ACCSL: variants seen among roughly 807,000 people sequenced by gnomAD.
ACCSL encodes the protein 1-aminocyclopropane-1-carboxylate synthase homolog (inactive) like, also known as probable inactive 1-aminocyclopropane-1-carboxylate synthase-like protein 2.
ACCSL carries 55 observed loss-of-function variants against 61.7 expected under a neutral mutation model. The ratio of observed to expected loss-of-function variants is 0.89; its 90% confidence interval spans 0.72 to 1.12. The LOEUF is 1.12. ACCSL is among the 50% of genes most tolerant of loss of function. ACCSL has a pLI of 0.00. For synonymous variants in ACCSL, 258 were observed against 264.3 expected (o/e 0.98, Z 0.23); for missense variants, 632 against 698.0 (o/e 0.91, Z 1.07).
At chr11:44,005,663 C>T in the ACCSL span, among the ~76,000 whole-genome samples, 27 of 152,226 alleles carry the variant, frequency 1.8e-4, no homozygotes, top group Admixed American at 1.5e-3. Context: ...CTGGCTTCCC[C>T]GGACGTGCCC....
intron 13 of ACCSL, 122 bp downstream of exon 13, chr11:44,058,821 A>G: frequency 1.6e-6 from 2 of 1,225,760 alleles, no homozygotes; most frequent in Non-Finnish European, 2.2e-6. Flanking sequence ...TTCCATGTCT[A>G]TCTTTAGTTA....
chr11:43,966,247 A>G, the ACCSL span, among the ~76,000 whole-genome samples: 7 of 152,036 alleles, frequency 4.6e-5, no homozygotes, highest in Non-Finnish European at 1.0e-4. Flanking sequence ...CCAACATGGT[A>G]AAACCCTGTC....
At chr11:43,984,289 G>A in the ACCSL span, among the ~76,000 whole-genome samples, 20,715 of 151,966 alleles carry the variant, frequency 0.14, 1,528 homozygotes, top group Non-Finnish European at 0.17. Flanking sequence ...ACCTTAGGTT[G>A]TAAGAAAAAA....
the ACCSL span, chr11:43,933,172 G>A: frequency 2.2e-6 from 1 of 456,220 alleles, no homozygotes; most frequent in South Asian, 1.5e-5. Context: ...TTGCTTTATG[G>A]AATCATGGTA....
At chr11:43,943,276 G>A in the ACCSL span, 7 of 1,487,580 alleles carry the variant, frequency 4.7e-6, no homozygotes, top group South Asian at 9.1e-5. The surrounding 1 kb of genome is among the most constrained non-coding windows in gnomAD (Gnocchi z 4.8). Flanking sequence ...CCCTGTAAGG[G>A]GCGCCGCCCG....
At position 44,058,448 on chromosome 11, in the gene ACCSL, A is replaced by G. The variant is rs1208359834; in HGVS notation, c.1459A>G (p.Asn487Asp). ...NRSSGLYVWI[N>D]LKKYLDPCTF... Reference sequence around the variant, plus strand: ...CAGCTCTGGCCTCTATGTCTGGATCAACTTGAAAAAGGTGTGTTCTGGGAA... The same window carrying G: ...CAGCTCTGGCCTCTATGTCTGGATCGACTTGAAAAAGGTGTGTTCTGGGAA... Residue 487 changes from asparagine (N) to aspartate (D), a missense_variant, in exon 12 of 14, where the codon AAC becomes GAC. Coordinates refer to ENST00000378832, the MANE Select transcript of ACCSL (RefSeq NM_001031854.2). 1.2e-6 allele frequency: 2 copies of G among 1,614,046 alleles called. No homozygotes were observed. Among genetic ancestry groups the G allele is most frequent in the Non-Finnish European group, 1.7e-6 (2 of 1,180,046 alleles).
In ACCSL at chr11:44,055,219, T is replaced by C; in HGVS notation, c.1067T>C (p.Ile356Thr). 6.2e-7 allele frequency: 1 copy of C among 1,611,216 alleles called. No homozygotes were observed. The highest frequency in any genetic ancestry group is 8.5e-7 in the Non-Finnish European group (1 of 1,177,672). Reference protein sequence around the residue: ...EFAKRYNLHVIIDEIYMLSVF... With the variant: ...EFAKRYNLHVTIDEIYMLSVF... Reference sequence around the variant, plus strand: ...ATCTACAGGTATAACCTACATGTGATCATAGATGAGATTTACATGCTGTCT... The same window carrying C: ...ATCTACAGGTATAACCTACATGTGACCATAGATGAGATTTACATGCTGTCT... Residue 356 changes from isoleucine to threonine, a missense_variant, in exon 9 of 14, where the codon ATC becomes ACC. Ile to Thr is a moderately conservative substitution (Grantham distance 89, BLOSUM62 -1). Transcript: ENST00000378832.
chr11:43,957,996 G>A, the ACCSL span, among the ~76,000 whole-genome samples: 2 of 152,206 alleles, frequency 1.3e-5, no homozygotes, highest in African/African-American at 4.8e-5. Context: ...GACCCATCTT[G>A]CTTCTAACCT....
At chr11:44,020,901 A>G in the ACCSL span, among the ~76,000 whole-genome samples, 4 of 152,142 alleles carry the variant, frequency 2.6e-5, no homozygotes, top group Non-Finnish European at 5.9e-5. Context: ...TTCCTAAGTT[A>G]CTTCACTTAG....
chr11:44,027,765 A>G, the ACCSL span, among the ~76,000 whole-genome samples: 2 of 152,222 alleles, frequency 1.3e-5, no homozygotes, highest in East Asian at 1.9e-4. Flanking sequence ...TCATTCAACA[A>G]CTTTGCCTGC....
At chr11:44,019,540 A>G in the ACCSL span, among the ~76,000 whole-genome samples, 1 of 152,260 alleles carries the variant, frequency 6.6e-6, no homozygotes, top group Middle Eastern at 3.4e-3. Flanking sequence ...GCACATTTGT[A>G]TATATTATTT....
chr11:44,009,418 G>A, the ACCSL span, among the ~76,000 whole-genome samples: 1 of 152,160 alleles, frequency 6.6e-6, no homozygotes, highest in South Asian at 2.1e-4. Context: ...GAAGAGAAAT[G>A]CCAGAGAGCA....
At chr11:43,971,338 T>C in the ACCSL span, 1 of 151,990 alleles carries the variant, frequency 6.6e-6, no homozygotes, top group Non-Finnish European at 1.5e-5. Context: ...AGCTAATATT[T>C]GTTCACCAGT....
the ACCSL span, among the ~76,000 whole-genome samples, chr11:44,023,682 G>A: frequency 7.3e-6 from 1 of 137,224 alleles, no homozygotes; most frequent in Non-Finnish European, 1.6e-5. Flanking sequence ...TCCTTCCTCT[G>A]GCTTGCTGTG....
chr11:43,922,965 C>T, the ACCSL span, among the ~76,000 whole-genome samples: 86,373 of 152,062 alleles, frequency 0.57, 25,944 homozygotes, highest in East Asian at 0.84. Context: ...TCAGGATCCA[C>T]ATTGATCCAT....
At chr11:44,032,408 T>C in the ACCSL span, among the ~76,000 whole-genome samples, 7 of 152,136 alleles carry the variant, frequency 4.6e-5, no homozygotes, top group Non-Finnish European at 2.9e-5. Flanking sequence ...CCAGAGTCCA[T>C]GTGCAAGGGC....
At chr11:44,055,419 A>C (rs1565159721) in intron 9 of ACCSL, 128 bp downstream of exon 9, 4 of 599,650 alleles carry the variant, frequency 6.7e-6, no homozygotes, top group Middle Eastern at 5.4e-4. Context: ...AGGGCCTGTG[A>C]ATACAAACAA....
chr11:44,037,846 T>C, the ACCSL span, among the ~76,000 whole-genome samples: 1 of 151,656 alleles, frequency 6.6e-6, no homozygotes, highest in Non-Finnish European at 1.5e-5. Context: ...CTTAGAAAAT[T>C]GCATTATGGT....
At chr11:43,969,452 A>T in the ACCSL span, among the ~76,000 whole-genome samples, 7 of 152,276 alleles carry the variant, frequency 4.6e-5, no homozygotes, top group South Asian at 1.0e-3. Flanking sequence ...TATCTCAAAA[A>T]TTTTTTACGA....
Sources: gnomAD v4.1 joint callset for allele counts (sites outside exome capture counted in the v4.1 genomes callset) on GRCh38, gnomAD v4.1.1 for gene constraint, Gnocchi (gnomAD v3.1) non-coding constraint, MANE v1.5 for transcripts, NCBI Gene and HGNC (gene_info 2026-07-23, HGNC 2026-07-21) for gene names.